ARF4: variants seen among roughly 807,000 people sequenced by gnomAD.
ARF4 encodes the protein ADP-ribosylation factor 4.
A neutral mutation model predicts 24.3 loss-of-function variants in ARF4; 5 were observed. The ratio of observed to expected loss-of-function variants is 0.21; its 90% confidence interval spans 0.11 to 0.43. The LOEUF (loss-of-function observed/expected upper bound fraction) is 0.43. Ranked by LOEUF, ARF4 falls within the 20% of genes least tolerant of loss-of-function variation. The probability of loss-of-function intolerance (pLI) is 1.00; values close to 1 mark genes in which losing one functional copy is unlikely to be tolerated. For missense variants in ARF4, 107 were observed against 213.0 expected, an observed-to-expected ratio of 0.50 and a Z score of 3.10; for synonymous variants, 62 against 73.5, an observed-to-expected ratio of 0.84 and a Z score of 0.80.
chr3:57,591,655 T>C (rs1254679718), intron 1 of ARF4, among the ~76,000 whole-genome samples: 1 of 152,026 alleles, frequency 6.6e-6, no homozygotes, highest in Non-Finnish European at 1.5e-5. Flanking sequence ...TGAGTATAGA[T>C]GGGGTTTCAC....
At chr3:57,592,913 G>C (rs758510214) in intron 1 of ARF4, among the ~76,000 whole-genome samples, 2 of 152,082 alleles carry the variant, frequency 1.3e-5, no homozygotes, top group Non-Finnish European at 2.9e-5. Context: ...CTCTTAAAAG[G>C]CTGAGCGTGT....
intron 1 of ARF4, among the ~76,000 whole-genome samples, chr3:57,591,043 C>T (rs1033853672): frequency 6.6e-6 from 1 of 152,048 alleles, no homozygotes; most frequent in African/African-American, 2.4e-5. Context: ...GAAATGTCCC[C>T]CACAGTCACA....
chr3:57,582,552 G>A lies in ARF4; in HGVS notation c.258+1346C>T, dbSNP rs558569873. Among the ~76,000 whole-genome samples, 44 of 151,994 alleles carry A rather than the reference G, an allele frequency of 2.9e-4. No homozygotes were observed. In the South Asian group the frequency reaches 7.1e-3, roughly 24 times the overall value. ...CACCGTGCCTGGCCTAAACATTCTC[G>A]TTTTTAAATAAAAAAGTATACCACT... On this transcript the variant is annotated intron_variant, in intron 3 of 5. Coordinates refer to ENST00000303436, the MANE Select transcript of ARF4 (RefSeq NM_001660.4).
At chr3:57,590,082 T>G (rs1480533689) in intron 1 of ARF4, among the ~76,000 whole-genome samples, 1 of 132,946 alleles carries the variant, frequency 7.5e-6, no homozygotes. Flanking sequence ...AGACCAAGAC[T>G]CTGTCTCAAT....
At chr3:57,578,094 GC>G (rs2069928466) in intron 3 of ARF4, among the ~76,000 whole-genome samples, 2 of 151,970 alleles carry the variant, frequency 1.3e-5, no homozygotes, top group African/African-American at 4.8e-5. Flanking sequence ...AACTGAATTA[GC>G]TTACTGACTC....
chr3:57,582,630 G>T (rs1009549293), intron 3 of ARF4, among the ~76,000 whole-genome samples: 1 of 152,130 alleles, frequency 6.6e-6, no homozygotes, highest in African/African-American at 2.4e-5. Flanking sequence ...CTCACCTAGG[G>T]TATTCACTGC....
At position 57,597,312 on chromosome 3, in the gene ARF4, G is replaced by A. The variant is rs1191753257; in HGVS notation, c.-172C>T. ...CCTGTGCCGATGAAGATCCGGCACA[G>A]GAATAAGCCGGTAGAGGACCTGCTA... On this transcript the variant is annotated 5_prime_UTR_variant, in exon 1 of 6. Coordinates refer to ENST00000303436, the MANE Select transcript of ARF4 (RefSeq NM_001660.4). 1.5e-5 allele frequency: 9 copies of A among 605,218 alleles called. No homozygotes were observed. The highest frequency in any genetic ancestry group is 7.6e-5 in the African/African-American group (4 of 52,880). The allele number at this position is 605,218 out of a possible 1,614,324, so 37.5% of individuals were successfully genotyped here.
At chr3:57,581,130 A>G (rs1487634314) in intron 3 of ARF4, among the ~76,000 whole-genome samples, 1 of 152,260 alleles carries the variant, frequency 6.6e-6, no homozygotes, top group East Asian at 1.9e-4. Context: ...TGGAATTATA[A>G]GAGGAATTTA....
At chr3:57,584,319 A>C (rs998523861) in intron 2 of ARF4, 65 bp downstream of exon 2, 2 of 1,323,258 alleles carry the variant, frequency 1.5e-6, no homozygotes. Context: ...CAATCTCAAA[A>C]CTAGACTGTA....
intron 1 of ARF4, among the ~76,000 whole-genome samples, chr3:57,590,922 T>A (rs562580620): frequency 6.6e-6 from 1 of 152,326 alleles, no homozygotes; most frequent in South Asian, 2.1e-4. Flanking sequence ...AAAATAATAA[T>A]TTAAAATTGA....
intron 1 of ARF4, 87 bp downstream of exon 1, chr3:57,596,987 G>C: frequency 1.4e-6 from 2 of 1,419,276 alleles, no homozygotes; most frequent in South Asian, 2.4e-5. Context: ...CACAGCGGGC[G>C]GAGGAAAAAA....
chr3:57,580,960 T>A (rs2153408774), intron 3 of ARF4, among the ~76,000 whole-genome samples: 1 of 152,266 alleles, frequency 6.6e-6, no homozygotes, highest in South Asian at 2.1e-4. Context: ...GTGACATTAT[T>A]GAGAAGGAGA....
At position 57,597,272 on chromosome 3, in the gene ARF4, A is replaced by G; in HGVS notation, c.-132T>C. ...GCGGAGGAAGAAAGAGGGAGGCAGA[A>G]ACGTCTCAGTGGCCCCTGTGCCGAT... On this transcript the variant is annotated 5_prime_UTR_variant, in exon 1 of 6. Coordinates refer to ENST00000303436, the MANE Select transcript of ARF4 (RefSeq NM_001660.4). 2.4e-6 allele frequency: 2 copies of G among 849,190 alleles called. No individual in the cohort carries two copies. The highest frequency in any genetic ancestry group is 3.2e-5 in the South Asian group (2 of 62,530). The allele number at this position is 849,190 out of a possible 1,614,324, so 52.6% of individuals were successfully genotyped here.
chr3:57,589,530 C>T (rs934611234), intron 1 of ARF4, among the ~76,000 whole-genome samples: 1 of 151,850 alleles, frequency 6.6e-6, no homozygotes, highest in African/African-American at 2.4e-5. Flanking sequence ...CCAGCCTGGC[C>T]AACGTGGTGA....
chr3:57,576,778 G>C (rs961518751), intron 4 of ARF4, among the ~76,000 whole-genome samples: 1 of 152,034 alleles, frequency 6.6e-6, no homozygotes, highest in Non-Finnish European at 1.5e-5. Context: ...CTATGGGAAG[G>C]CTGCAAAATG....
At chr3:57,596,709 G>C (rs2070191211) in intron 1 of ARF4, 1 of 241,348 alleles carries the variant, frequency 4.1e-6, no homozygotes, top group Non-Finnish European at 8.3e-6. Flanking sequence ...CCACACCCGG[G>C]CAAGAAGGTA....
chr3:57,584,560 T>C, intron 1 of ARF4, 96 bp from the exon 2 acceptor site: 1 of 1,058,652 alleles, frequency 9.4e-7, no homozygotes, highest in Non-Finnish European at 1.4e-6. Context: ...AGAAGTTGAC[T>C]GTTCAAGACA....
chr3:57,574,902 G>A (rs2069884914), intron 5 of ARF4, among the ~76,000 whole-genome samples: 1 of 150,122 alleles, frequency 6.7e-6, no homozygotes, highest in Non-Finnish European at 1.5e-5. Context: ...AGGCTGGAGT[G>A]CAGTGGCGCG....
At chr3:57,589,578 C>T (rs572300385) in intron 1 of ARF4, among the ~76,000 whole-genome samples, 5 of 151,128 alleles carry the variant, frequency 3.3e-5, no homozygotes, top group Non-Finnish European at 7.4e-5. Context: ...ATTAGCTAGG[C>T]GTGGTGGCTG....
Sources: allele counts gnomAD v4.1 joint callset (sites outside exome capture counted in the v4.1 genomes callset), GRCh38; gene constraint gnomAD v4.1.1; transcripts MANE v1.5; gene names NCBI Gene and HGNC (gene_info 2026-07-23, HGNC 2026-07-21).